Variants in PRRC2B observed in about 807,000 individuals in gnomAD.
The protein encoded by PRRC2B is proline rich coiled-coil 2B, also known as protein PRRC2B.
Under a neutral mutation model 242.3 loss-of-function variants are expected in PRRC2B, and 68 were observed. That is an observed-to-expected ratio of 0.28 (90% CI 0.23 to 0.34). The LOEUF (loss-of-function observed/expected upper bound fraction) is 0.34. PRRC2B is among the 10% of genes least tolerant of loss of function. The pLI is 1.00. For synonymous variants in PRRC2B, 1,228 were observed against 1,173.6 expected, an observed-to-expected ratio of 1.05 and a Z score of -0.95; for missense variants, 2,835 against 2,954.8, an observed-to-expected ratio of 0.96 and a Z score of 0.94.
chr9:131,410,660 C>A (rs997344983), intron 1 of PRRC2B, among the ~76,000 whole-genome samples: 1 of 152,140 alleles, frequency 6.6e-6, no homozygotes, highest in East Asian at 1.9e-4. Flanking sequence ...GTACTAATAC[C>A]CTTCTCTGAG....
intron 1 of PRRC2B, among the ~76,000 whole-genome samples, chr9:131,383,912 C>T (rs924823317): frequency 9.9e-5 from 15 of 151,350 alleles, no homozygotes; most frequent in Non-Finnish European, 8.8e-5. Context: ...TAAGTCACTG[C>T]GCCCGGCCGG....
At chr9:131,468,804 T>C (rs1379975404) in intron 13 of PRRC2B, among the ~76,000 whole-genome samples, 1 of 152,208 alleles carries the variant, frequency 6.6e-6, no homozygotes, top group African/African-American at 2.4e-5. Flanking sequence ...TAATTACCTT[T>C]AAACTTCTCA....
Position 131,483,349 on chromosome 9 carries a change from A to G in PRRC2B, c.5374-10A>G. Reference sequence around the variant, plus strand: ...CTCAGTGGGCTGTGTGGCCTTTTTTATTTTTTCAGGACTCCGATTTCAGCT... The same window carrying G: ...CTCAGTGGGCTGTGTGGCCTTTTTTGTTTTTTCAGGACTCCGATTTCAGCT... On this transcript the variant is annotated splice_polypyrimidine_tract_variant and intron_variant, in intron 22 of 31. Transcript: ENST00000683519. The G allele has an allele frequency of 1.2e-6, 2 of 1,613,048 alleles. No homozygotes were observed. The highest frequency in any genetic ancestry group is 1.1e-5 in the South Asian group (1 of 91,046).
chr9:131,448,541 C>CCCAAAAAAAAAAAAAAAAA (rs1564287237), intron 9 of PRRC2B, among the ~76,000 whole-genome samples: 144 of 9,770 alleles, frequency 0.015, 33 homozygotes, highest in African/African-American at 0.034. Flanking sequence ...GAGACACTGT[C>CCCAAAAAAAAAAAAAAAAA]TCAAAAAAAA....
Position 131,478,538 on chromosome 9 carries a change from C to T in PRRC2B, c.4677C>T (p.Gly1559=), listed in dbSNP as rs916553104. 1.6e-5 allele frequency: 25 copies of T among 1,611,512 alleles called. No individual in the cohort carries two copies. In the African/African-American group the frequency reaches 2.2e-4, roughly 14 times the overall value. ...AGAGTGAGGTGGGTTCTATGGTGGG[C>T]GAAGGCTTCATCGAAGTCCTGACCA... ...GEESEVGSMV[G]EGFIEVLTKK... Residue 1559 remains glycine, a synonymous_variant, in exon 18 of 32, where the codon GGC becomes GGT. Coordinates refer to ENST00000683519, the MANE Select transcript of PRRC2B (RefSeq NM_013318.4).
chr9:131,383,105 G>A (rs1169751150), intron 1 of PRRC2B, among the ~76,000 whole-genome samples: 3 of 152,050 alleles, frequency 2.0e-5, no homozygotes, highest in African/African-American at 4.8e-5. Context: ...CACAGTCTCC[G>A]CTGATTAAAC....
chr9:131,409,845 C>T (rs1478885588), intron 1 of PRRC2B, among the ~76,000 whole-genome samples: 1 of 152,232 alleles, frequency 6.6e-6, no homozygotes, highest in East Asian at 1.9e-4. Flanking sequence ...CAATCCAATA[C>T]AAATGCTGTC....
intron 9 of PRRC2B, among the ~76,000 whole-genome samples, chr9:131,451,630 C>T (rs950258702): frequency 6.6e-6 from 1 of 151,928 alleles, no homozygotes; most frequent in African/African-American, 2.4e-5. Flanking sequence ...ATAATATTAA[C>T]CTCAAGTTCT....
In PRRC2B at chr9:131,470,786, A is replaced by G; in HGVS notation, c.1912-2A>G. 6.2e-7 allele frequency: 1 copy of G among 1,611,260 alleles called. No homozygotes were observed. Among genetic ancestry groups the G allele is most frequent in the Non-Finnish European group, 8.5e-7 (1 of 1,178,590 alleles). ...ACCAAGTCTCTCTCTCTCTGTGGGC[A>G]GGAGCAGCTGTACAAGATGCAGCAC... On this transcript the variant is annotated splice_acceptor_variant, in intron 13 of 31. Transcript: ENST00000683519. LOFTEE classifies it high-confidence loss of function.
intron 10 of PRRC2B, among the ~76,000 whole-genome samples, chr9:131,456,090 G>A (rs908665442): frequency 6.6e-6 from 1 of 151,852 alleles, no homozygotes; most frequent in Non-Finnish European, 1.5e-5. Context: ...TTCAGCCTGG[G>A]CGACAGAGCA....
At chr9:131,443,565 T>A (rs576395744) in intron 5 of PRRC2B, among the ~76,000 whole-genome samples, 200 of 148,564 alleles carry the variant, frequency 1.3e-3, no homozygotes, top group Non-Finnish European at 2.6e-3. Flanking sequence ...TCCTGAGTAG[T>A]TGGGACTACA....
At chr9:131,455,206 C>T in intron 10 of PRRC2B, 40 bp downstream of exon 10, 2 of 1,381,624 alleles carry the variant, frequency 1.4e-6, no homozygotes, top group Non-Finnish European at 2.1e-6. Flanking sequence ...GAGTGCATCC[C>T]TGCTTAGTGT....
intron 28 of PRRC2B, chr9:131,490,895 A>C (rs1588284113): frequency 6.6e-6 from 2 of 304,916 alleles, no homozygotes; most frequent in Non-Finnish European, 1.3e-5. Flanking sequence ...CTCCTTGCCC[A>C]CCCCGCCCCG....
intron 1 of PRRC2B, among the ~76,000 whole-genome samples, chr9:131,411,285 TTC>T (rs1289467268): frequency 6.6e-6 from 1 of 151,894 alleles, no homozygotes; most frequent in Non-Finnish European, 1.5e-5. Flanking sequence ...TTATGCAGTG[TTC>T]TGTTTTTCAT....
Position 131,388,245 on chromosome 9 carries a change from T to C in PRRC2B, c.-56+14514T>C, listed in dbSNP as rs567538692. 2.5e-4 allele frequency among the ~76,000 whole-genome samples: 36 copies of C among 146,016 alleles called. 1 individual carries two copies. The highest frequency in any genetic ancestry group is 8.3e-4 in the African/African-American group (34 of 40,726). ...TCATCAACTTTTACTTTTACTTTTT[T>C]TTTTTTTTTTTTTAGATGGAGATTC... On this transcript the variant is annotated intron_variant, in intron 1 of 1. Coordinates refer to the PRRC2B transcript ENST00000682525.
intron 5 of PRRC2B, among the ~76,000 whole-genome samples, chr9:131,439,308 G>T (rs1232651867): frequency 6.6e-6 from 1 of 152,192 alleles, no homozygotes; most frequent in African/African-American, 2.4e-5. Flanking sequence ...TGTGCTGCTG[G>T]TGATTTTTGA....
Position 131,478,635 on chromosome 9 carries a change from T to TGG in PRRC2B, c.4758+22_4758+23dup. The TGG allele has an allele frequency of 1.1e-5, 2 of 176,676 alleles. No individual in the cohort carries two copies. Among genetic ancestry groups the TGG allele is most frequent in the South Asian group, 4.5e-5 (1 of 22,194 alleles). 10.9% of individuals were successfully genotyped at this position (176,676 alleles called of 1,614,324 possible). On this transcript the variant is annotated intron_variant, in intron 18 of 31. Transcript: ENST00000683519. ...GGCCGTGCAGGTGAGGGGCGGAGGG[T>TGG]GGGGGGGCATGGGGCTGGAGGGCAG...
At chr9:131,430,530 TCTATCTATAGATATCTATAG>T (rs1838116200) in intron 2 of PRRC2B, among the ~76,000 whole-genome samples, 4 of 146,978 alleles carry the variant, frequency 2.7e-5, no homozygotes, top group Admixed American at 6.9e-5. Flanking sequence ...TAGATAGATA[TCTATCTATAGATATCTATAG>T]GTGTGTGTGT....
In PRRC2B at chr9:131,484,778, C is replaced by A; in HGVS notation, c.5553C>A (p.Asp1851Glu). 6.2e-7 allele frequency: 1 copy of A among 1,610,134 alleles called. No homozygotes were observed. Among genetic ancestry groups the A allele is most frequent in the South Asian group, 1.1e-5 (1 of 90,604 alleles). ...GLSPMSFPTA[D>E]LTLKMESARK... ...CCCCAATGTCCTTCCCCACCGCCGA[C>A]CTTACTCTGAAGGTAACACCAGCCC... Residue 1851 changes from aspartate (D) to glutamate (E), a missense_variant, in exon 24 of 32, where the codon GAC (aspartate) becomes GAA (glutamate). Transcript: ENST00000683519.
Sources: allele counts gnomAD v4.1 joint callset (sites outside exome capture counted in the v4.1 genomes callset), GRCh38; gene constraint gnomAD v4.1.1; transcripts MANE v1.5; gene names NCBI Gene and HGNC (gene_info 2026-07-23, HGNC 2026-07-21).